Variants in PAQR5 observed in about 807,000 individuals in gnomAD.
PAQR5 encodes progestin and adipoQ receptor family member 5, also known as membrane progestin receptor gamma.
PAQR5 carries 20 observed loss-of-function variants against 34.5 expected under a neutral mutation model. The observed-to-expected ratio is 0.58, with a 90% CI of 0.41 to 0.84. The LOEUF (loss-of-function observed/expected upper bound fraction) is 0.84. Ranked by LOEUF, PAQR5 falls within the 40% of genes least tolerant of loss-of-function variation. The pLI, the probability that PAQR5 is intolerant of heterozygous loss-of-function variation, is 0.00. For synonymous variants in PAQR5, 131 were observed against 155.6 expected (o/e 0.84, Z 1.18); for missense variants, 378 against 412.7 (o/e 0.92, Z 0.73).
chr15:69,333,934 A>G (rs1270806539), intron 1 of PAQR5, among the ~76,000 whole-genome samples: 5 of 152,216 alleles, frequency 3.3e-5, no homozygotes, highest in Non-Finnish European at 7.3e-5. Context: ...TGGCTTAGAA[A>G]TATAAGCATT....
At chr15:69,390,792 G>T (rs2056245187) in intron 6 of PAQR5, among the ~76,000 whole-genome samples, 1 of 151,762 alleles carries the variant, frequency 6.6e-6, no homozygotes, top group Non-Finnish European at 1.5e-5. Flanking sequence ...TCCCTCATCA[G>T]TGAGTCAGGC....
intron 1 of PAQR5, among the ~76,000 whole-genome samples, chr15:69,317,300 CG>C (rs1198984030): frequency 2.6e-5 from 4 of 152,146 alleles, no homozygotes; most frequent in Non-Finnish European, 4.4e-5. Context: ...ATTATGCAGG[CG>C]GGGGCATCCA....
chr15:69,302,443 G>C (rs2053626767), intron 1 of PAQR5, among the ~76,000 whole-genome samples: 2 of 152,142 alleles, frequency 1.3e-5, no homozygotes. Context: ...ACCATGCAGG[G>C]GAGGATCAGT....
chr15:69,332,751 A>G (rs923101719), intron 1 of PAQR5, among the ~76,000 whole-genome samples: 3 of 115,338 alleles, frequency 2.6e-5, no homozygotes, highest in African/African-American at 1.1e-4. Flanking sequence ...CTTTCTCTAA[A>G]CTACCCTGGG....
intron 5 of PAQR5, among the ~76,000 whole-genome samples, chr15:69,387,700 TC>T (rs1431029287): frequency 1.3e-5 from 2 of 152,170 alleles, no homozygotes; most frequent in Non-Finnish European, 2.9e-5. Flanking sequence ...GCCCATGTGG[TC>T]CACCACCAAC....
Position 69,389,694 on chromosome 15 carries a change from G to A in PAQR5, c.426G>A (p.Ala142=), listed in dbSNP as rs147814926. The part of the protein sequence containing the change: ...IAYSAYTFPD[A]LMCTTFHDYY... ...ACTCTGCATACACGTTCCCGGATGC[G>A]CTCATGTGCACCACTTTCCATGACT... Residue 142 remains alanine (A), a synonymous_variant, in exon 6 of 9, where the codon GCG becomes GCA. Transcript: ENST00000395407. 3.0e-5 allele frequency: 49 copies of A among 1,614,140 alleles called. No homozygotes were observed. In the South Asian group the frequency reaches 3.4e-4, roughly 11 times the overall value.
intron 4 of PAQR5, among the ~76,000 whole-genome samples, chr15:69,382,030 A>G (rs1202700087): frequency 6.6e-6 from 1 of 152,196 alleles, no homozygotes; most frequent in Non-Finnish European, 1.5e-5. Context: ...GTGTCTCTGC[A>G]TAGAGATCTA....
chr15:69,363,581 C>G (rs901798892), intron 3 of PAQR5, among the ~76,000 whole-genome samples: 2 of 115,254 alleles, frequency 1.7e-5, no homozygotes, highest in African/African-American at 6.2e-5. Flanking sequence ...GAGTCTTGCT[C>G]TGTCACCCAG....
At chr15:69,304,101 C>T (rs770351146) in intron 1 of PAQR5, among the ~76,000 whole-genome samples, 7 of 152,230 alleles carry the variant, frequency 4.6e-5, no homozygotes, top group Admixed American at 2.0e-4. Context: ...CCTGAAGAAA[C>T]AAATCTGTAA....
intron 8 of PAQR5, among the ~76,000 whole-genome samples, chr15:69,401,935 G>A (rs2056640863): frequency 6.6e-6 from 1 of 152,172 alleles, no homozygotes; most frequent in South Asian, 2.1e-4. Flanking sequence ...ATCTCACTGT[G>A]TTGCCCAGGC....
Position 69,338,097 on chromosome 15 carries a change from A to C in PAQR5, c.-116+596A>C, listed in dbSNP as rs1286924167. 2.6e-5 allele frequency among the ~76,000 whole-genome samples: 4 copies of C among 152,086 alleles called. 1 individual carries two copies. Among genetic ancestry groups the C allele is most frequent in the African/African-American group, 9.7e-5 (4 of 41,398 alleles). On this transcript the variant is annotated intron_variant, in intron 2 of 8. Coordinates refer to ENST00000395407, the MANE Select transcript of PAQR5 (RefSeq NM_017705.4). ...GTCTCAAAACAAACAAACAAACAAA[A>C]AAACCAGAAACAACAACAACAACAA...
intron 2 of PAQR5, among the ~76,000 whole-genome samples, chr15:69,352,094 C>T (rs1399279929): frequency 2.6e-5 from 4 of 152,172 alleles, no homozygotes; most frequent in African/African-American, 4.8e-5. Flanking sequence ...TCCATTGGTG[C>T]TTGATGTGTC....
chr15:69,323,741 T>C (rs2054182812), intron 1 of PAQR5, among the ~76,000 whole-genome samples: 1 of 152,200 alleles, frequency 6.6e-6, no homozygotes, highest in African/African-American at 2.4e-5. Flanking sequence ...TCCCTAGATT[T>C]GCTGATCTAC....
At chr15:69,365,083 TTTTATTTTATTTTATTTTATTTTATTTTA>T (rs869200979) in intron 3 of PAQR5, among the ~76,000 whole-genome samples, 2 of 103,914 alleles carry the variant, frequency 1.9e-5, no homozygotes, top group Non-Finnish European at 4.2e-5. Context: ...TTTTATTTTA[TTTTATTTTATTTTATTTTATTTTATTTTA>T]TTTATTTATT....
chr15:69,307,939 G>C (rs1397134017), intron 1 of PAQR5, among the ~76,000 whole-genome samples: 1 of 152,214 alleles, frequency 6.6e-6, no homozygotes, highest in African/African-American at 2.4e-5. Flanking sequence ...GACAAGATGA[G>C]GAGTGGATAA....
intron 1 of PAQR5, among the ~76,000 whole-genome samples, chr15:69,333,634 C>G (rs564892106): frequency 2.4e-4 from 37 of 152,342 alleles, no homozygotes; most frequent in Non-Finnish European, 4.3e-4. Context: ...GCACGGTCTT[C>G]TCCCACAGTA....
chr15:69,386,246 CCA>C (rs995450979), intron 5 of PAQR5, among the ~76,000 whole-genome samples: 63 of 150,710 alleles, frequency 4.2e-4, no homozygotes, highest in African/African-American at 1.5e-3. Context: ...CACACACACA[CCA>C]CACACACACA....
chr15:69,311,870 A>T (rs1433763643), intron 1 of PAQR5, among the ~76,000 whole-genome samples: 1 of 152,208 alleles, frequency 6.6e-6, no homozygotes, highest in Admixed American at 6.5e-5. Context: ...GCCTCCATCA[A>T]TTAAAATCCT....
intron 1 of PAQR5, among the ~76,000 whole-genome samples, chr15:69,306,122 AG>A (rs940332409): frequency 2.0e-5 from 3 of 152,074 alleles, no homozygotes; most frequent in African/African-American, 7.2e-5. Context: ...CTGTCCCTGC[AG>A]GGTACTGGGA....
Sources: gnomAD v4.1 joint callset for allele counts (sites outside exome capture counted in the v4.1 genomes callset) on GRCh38, gnomAD v4.1.1 for gene constraint, MANE v1.5 for transcripts, NCBI Gene and HGNC (gene_info 2026-07-23, HGNC 2026-07-21) for gene names.